Variants in ZNF680 observed in about 807,000 individuals in gnomAD.
ZNF680 encodes the protein zinc finger protein 680.
A neutral mutation model predicts 12.1 loss-of-function variants in ZNF680; 6 were observed. The ratio of observed to expected loss-of-function variants is 0.49; its 90% CI spans 0.27 to 0.98. ZNF680 has a LOEUF of 0.98. ZNF680 is among the 50% of genes least tolerant of loss of function. ZNF680 has a pLI of 0.12. For missense variants in ZNF680, 561 were observed against 616.3 expected (o/e 0.91, Z 0.95); for synonymous variants, 170 against 199.3 (o/e 0.85, Z 1.24).
the ZNF680 span, among the ~76,000 whole-genome samples, chr7:64,514,483 C>G: frequency 4.6e-5 from 7 of 152,074 alleles, no homozygotes; most frequent in East Asian, 1.9e-4. Flanking sequence ...TTACAATTAG[C>G]TGTAAAACTT....
intron 3 of ZNF680, among the ~76,000 whole-genome samples, chr7:64,532,180 C>T (rs571056931): frequency 3.9e-5 from 6 of 152,066 alleles, no homozygotes; most frequent in Admixed American, 1.3e-4. Context: ...TGGTGGGCAC[C>T]TGTCGTCCCA....
the ZNF680 span, among the ~76,000 whole-genome samples, chr7:64,500,095 G>A: frequency 1.3e-5 from 2 of 151,754 alleles, no homozygotes; most frequent in East Asian, 3.9e-4. Context: ...ACCTAACTCG[G>A]CCAGCTGCCC....
the ZNF680 span, among the ~76,000 whole-genome samples, chr7:64,513,608 G>C: frequency 6.6e-6 from 1 of 151,894 alleles, no homozygotes; most frequent in Non-Finnish European, 1.5e-5. Context: ...AACATTAACA[G>C]TATGCAAAAG....
rs775294496 is a variant in ZNF680 at position 64,522,303 on chromosome 7, T to A, written c.451A>T (p.Ser151Cys). The change falls in exon 4 of 4, where the codon AGC becomes TGC. Residue 151 changes from serine to cysteine, a missense_variant. Physicochemically the swap from Ser to Cys is moderately radical, Grantham distance 112. Coordinates refer to ENST00000309683, the MANE Select transcript of ZNF680 (RefSeq NM_178558.5). ...TATTTATCACATTGAAATATTTTGCTCTGGGTAGTTCTCAAACATTGGTTA... is the reference window on the plus strand; with the variant it reads ...TATTTATCACATTGAAATATTTTGCACTGGGTAGTTCTCAAACATTGGTTA... Reference protein sequence around the residue: ...ELNQCLRTTQSKIFQCDKYVK... With the variant: ...ELNQCLRTTQCKIFQCDKYVK... 4 of 1,613,084 alleles carry A rather than the reference T, an allele frequency of 2.5e-6. No homozygotes were observed. In the South Asian group the frequency reaches 4.4e-5, roughly 18 times the overall value.
At chr7:64,533,965 T>C (rs1169617407) in intron 3 of ZNF680, among the ~76,000 whole-genome samples, 2 of 152,154 alleles carry the variant, frequency 1.3e-5, no homozygotes, top group Non-Finnish European at 2.9e-5. Context: ...TAGCCACATG[T>C]AGGAGAATAA....
At chr7:64,551,441 C>T (rs909302102) in intron 1 of ZNF680, 4 of 152,788 alleles carry the variant, frequency 2.6e-5, no homozygotes, top group African/African-American at 9.7e-5. Context: ...GGTGAACAGC[C>T]AGGAGGTCAC....
chr7:64,548,419 C>G (rs1438326109), intron 1 of ZNF680, among the ~76,000 whole-genome samples: 2 of 152,206 alleles, frequency 1.3e-5, no homozygotes, highest in African/African-American at 4.8e-5. Context: ...ACTGCTTCAA[C>G]CATTTATCCA....
chr7:64,500,176 A>G, the ZNF680 span, among the ~76,000 whole-genome samples: 1 of 152,150 alleles, frequency 6.6e-6, no homozygotes, highest in Non-Finnish European at 1.5e-5. Flanking sequence ...TCTTCTCTTT[A>G]ATTCTTATAC....
the ZNF680 span, among the ~76,000 whole-genome samples, chr7:64,511,706 G>A: frequency 6.6e-6 from 1 of 151,328 alleles, no homozygotes; most frequent in Non-Finnish European, 1.5e-5. Flanking sequence ...GGAAAAAAAT[G>A]GTAAAATTAC....
intron 3 of ZNF680, chr7:64,526,497 C>T: frequency 2.2e-6 from 2 of 925,770 alleles, no homozygotes; most frequent in East Asian, 2.8e-5. Flanking sequence ...TCAAGATCAG[C>T]CTGAGCAACA....
At chr7:64,535,707 T>A (rs746244393) in intron 3 of ZNF680, among the ~76,000 whole-genome samples, 3 of 151,372 alleles carry the variant, frequency 2.0e-5, no homozygotes, top group Non-Finnish European at 4.4e-5. Flanking sequence ...ACTTTGGGAG[T>A]CCGAAGCAGG....
intron 1 of ZNF680, among the ~76,000 whole-genome samples, chr7:64,558,828 G>A (rs1000164570): frequency 1.2e-4 from 18 of 148,858 alleles, no homozygotes; most frequent in Admixed American, 6.7e-4. Flanking sequence ...TGTTAATGTT[G>A]AGGACACACC....
At chr7:64,516,188 C>G (rs1355149925), downstream of ZNF680, among the ~76,000 whole-genome samples, 3 of 152,228 alleles carry the variant, frequency 2.0e-5, no homozygotes, top group African/African-American at 7.2e-5. Context: ...ATTAAACTTT[C>G]ACTCCAACCT....
chr7:64,505,773 C>CTTTTTTT, the ZNF680 span, among the ~76,000 whole-genome samples: 1 of 146,886 alleles, frequency 6.8e-6, no homozygotes, highest in Non-Finnish European at 1.5e-5. Flanking sequence ...AATTAGACTC[C>CTTTTTTT]TTTTTTTTTT....
chr7:64,511,980 C>T, the ZNF680 span, among the ~76,000 whole-genome samples: 2 of 150,778 alleles, frequency 1.3e-5, no homozygotes, highest in African/African-American at 4.9e-5. Flanking sequence ...AATCACTTGA[C>T]CCTGGGAGGC....
intron 3 of ZNF680, among the ~76,000 whole-genome samples, chr7:64,531,202 T>C (rs1406066974): frequency 6.6e-6 from 1 of 152,114 alleles, no homozygotes; most frequent in African/African-American, 2.4e-5. Flanking sequence ...CGGGTGAAAC[T>C]TTCTCCAAGA....
chr7:64,522,091 C>T lies in ZNF680; in HGVS notation c.663G>A (p.Trp221Ter). ...CCTTATGTTTAATAAGCTCTGAGAA[C>T]CAGTTAAGAACTTTGCCACATTCCT... ...KCEECGKVLNWFSELIKHKGI... is the reference protein window; with the variant it reads ...KCEECGKVLN Residue 221 changes from tryptophan (W) to a stop codon, truncating the protein, a stop_gained, in exon 4 of 4, where the codon TGG (tryptophan) becomes TGA (stop). Coordinates refer to ENST00000309683, the MANE Select transcript of ZNF680 (RefSeq NM_178558.5). LOFTEE classifies it low-confidence loss of function (END_TRUNC). 1 of 1,611,770 alleles carries T rather than the reference C, an allele frequency of 6.2e-7. No individual in the cohort carries two copies. Among genetic ancestry groups the T allele is most frequent in the Admixed American group, 1.7e-5 (1 of 59,752 alleles).
chr7:64,515,824 A>T (rs1421293069), downstream of ZNF680, among the ~76,000 whole-genome samples: 1 of 151,942 alleles, frequency 6.6e-6, no homozygotes, highest in African/African-American at 2.4e-5. Flanking sequence ...GTGGGCACTC[A>T]CCTTTATTTA....
chr7:64,554,359 G>A (rs936453827), intron 1 of ZNF680, among the ~76,000 whole-genome samples: 58 of 151,730 alleles, frequency 3.8e-4, no homozygotes, highest in African/African-American at 1.2e-3. Flanking sequence ...CAGCCGCCCC[G>A]TCCGGGAGGT....
Sources: gnomAD v4.1 joint callset for allele counts (sites outside exome capture counted in the v4.1 genomes callset) on GRCh38, gnomAD v4.1.1 for gene constraint, MANE v1.5 for transcripts, NCBI Gene and HGNC (gene_info 2026-07-23, HGNC 2026-07-21) for gene names.